The following MAD1L1 variants were observed in gnomAD, a reference collection of about 807,000 sequenced individuals.
The protein encoded by MAD1L1 is mitotic arrest deficient 1 like 1.
Under a neutral mutation model 96.9 loss-of-function variants are expected in MAD1L1, and 95 were observed. That is an observed-to-expected ratio of 0.98 (90% CI 0.83 to 1.16). The LOEUF is 1.16. Among genes scored for constraint, MAD1L1 ranks in the 50% most tolerant of loss-of-function variants. MAD1L1 has a pLI of 0.00. For synonymous variants in MAD1L1, 473 were observed against 396.6 expected (o/e 1.19, Z -2.29); for missense variants, 1,007 against 954.4 (o/e 1.06, Z -0.73).
chr7:1,957,563 G>T, intron 16 of MAD1L1, 66 bp downstream of exon 16: 2 of 1,516,910 alleles, frequency 1.3e-6, no homozygotes, highest in Non-Finnish European at 1.8e-6. Context: ...AACCACGGTC[G>T]TTCACGACGC....
chr7:2,041,705 G>T (rs1783680898), intron 12 of MAD1L1, among the ~76,000 whole-genome samples: 1 of 152,240 alleles, frequency 6.6e-6, no homozygotes, highest in Admixed American at 6.5e-5. Context: ...AGATGAGGAA[G>T]AGCTTTGAAG....
chr7:1,857,186 C>T (rs149743014), intron 18 of MAD1L1, among the ~76,000 whole-genome samples: 8 of 152,326 alleles, frequency 5.3e-5, no homozygotes, highest in East Asian at 3.9e-4. Context: ...GCCGCGAGCG[C>T]GGACCGTACT....
chr7:1,837,895 C>A (rs534474661), intron 18 of MAD1L1, among the ~76,000 whole-genome samples: 1 of 152,320 alleles, frequency 6.6e-6, no homozygotes, highest in South Asian at 2.1e-4. Context: ...ATCAATAACG[C>A]AGACTCAGCA....
chr7:1,910,112 A>G (rs1030117865), intron 17 of MAD1L1, among the ~76,000 whole-genome samples: 2 of 151,834 alleles, frequency 1.3e-5, no homozygotes. Flanking sequence ...GCGGGCGCGG[A>G]TATCATATTT....
chr7:1,817,171 C>A (rs774759974), intron 18 of MAD1L1: 2 of 152,184 alleles, frequency 1.3e-5, no homozygotes, highest in African/African-American at 2.4e-5. Flanking sequence ...GCGCCGACGG[C>A]CACTGAGAGC....
rs1314379582 is a variant in MAD1L1, at chr7:1,904,893, G to A, written c.1808-6503C>T. On this transcript the variant is annotated intron_variant, in intron 17 of 18. Coordinates refer to ENST00000265854, the MANE Select transcript of MAD1L1 (RefSeq NM_001013836.2). Reference sequence around the variant, plus strand: ...CATGATTGATGAAGCACTGTTCCAGGCAGCAAGGATGCAGTCGCCTATGGA... The same window carrying A: ...CATGATTGATGAAGCACTGTTCCAGACAGCAAGGATGCAGTCGCCTATGGA... Among the ~76,000 whole-genome samples, 3 of 105,044 alleles carry A rather than the reference G, an allele frequency of 2.9e-5. 1 individual carries two copies. Among genetic ancestry groups the A allele is most frequent in the African/African-American group, 1.2e-4 (3 of 24,686 alleles). 68.9% of individuals were successfully genotyped at this position (105,044 alleles called of 152,430 possible).
chr7:1,888,491 T>C (rs1370696713), intron 18 of MAD1L1, among the ~76,000 whole-genome samples: 1 of 151,524 alleles, frequency 6.6e-6, no homozygotes, highest in Admixed American at 6.6e-5. Context: ...TGTGCATGCA[T>C]GTATGTGGCT....
intron 16 of MAD1L1, among the ~76,000 whole-genome samples, chr7:1,943,948 G>A (rs528371258): frequency 2.6e-5 from 4 of 152,328 alleles, no homozygotes; most frequent in East Asian, 1.9e-4. Flanking sequence ...AGATGCGGCC[G>A]TGCACAGTGG....
At position 1,815,802 on chromosome 7, in the gene MAD1L1, GAGA is replaced by G. The variant is rs1174126268; in HGVS notation, c.*265_*267del. On this transcript the variant is annotated 3_prime_UTR_variant, in exon 19 of 19. Transcript: ENST00000265854. ...ACAGGGCGAGTGGGAGTGTCTAGGG[GAGA>G]AGATTTTATTTCACAAGGTGAGGAA... is the stretch of plus-strand genomic sequence containing the variant. 6.6e-5 allele frequency: 32 copies of G among 485,740 alleles called. No individual in the cohort carries two copies. The East Asian group carries it at 8.7e-4, about 13-fold the overall frequency. 30.1% of individuals were successfully genotyped at this position (485,740 alleles called of 1,614,324 possible). A position where few individuals can be genotyped will look rare whatever the true frequency, so the allele number is the denominator to read the frequency against.
chr7:2,225,042 GC>G (rs1562389341), intron 4 of MAD1L1, among the ~76,000 whole-genome samples: 3 of 152,190 alleles, frequency 2.0e-5, no homozygotes, highest in African/African-American at 7.2e-5. Context: ...TGCCAGCACC[GC>G]AGCCTCAATG....
At position 1,884,404 on chromosome 7, in the gene MAD1L1, C is replaced by T. The variant is rs867192793; in HGVS notation, c.1998+13796G>A. 8.5e-5 allele frequency among the ~76,000 whole-genome samples: 13 copies of T among 152,326 alleles called. 1 individual carries two copies. In the South Asian group the frequency reaches 2.7e-3, roughly 32 times the overall value. ...GGAAGCCTGAGGTGAGCCCTGGACT[C>T]CTGCAGCCTCAGCGCCTCTGGCTGA... is the stretch of plus-strand genomic sequence containing the variant. On this transcript the variant is annotated intron_variant, in intron 18 of 18. Coordinates refer to ENST00000265854, the MANE Select transcript of MAD1L1 (RefSeq NM_001013836.2).
chr7:2,183,937 AAAAC>A (rs1791330223), intron 10 of MAD1L1, among the ~76,000 whole-genome samples: 1 of 151,940 alleles, frequency 6.6e-6, no homozygotes, highest in South Asian at 2.1e-4. Context: ...ATAAAAATAA[AAAAC>A]AAAGCTATTA....
intron 12 of MAD1L1, among the ~76,000 whole-genome samples, chr7:2,038,493 G>A (rs1584151477): frequency 8.6e-6 from 1 of 116,514 alleles, no homozygotes; most frequent in African/African-American, 2.8e-5. Flanking sequence ...TAATGAAGCT[G>A]ATGACTTTTT....
intron 18 of MAD1L1, chr7:1,854,350 T>TG: frequency 2.1e-6 from 1 of 470,740 alleles, no homozygotes. Flanking sequence ...ACCCCCGCTG[T>TG]GGGGGAACCT....
chr7:2,164,002 G>A (rs1319856590), intron 10 of MAD1L1, among the ~76,000 whole-genome samples: 1 of 152,116 alleles, frequency 6.6e-6, no homozygotes, highest in Non-Finnish European at 1.5e-5. Context: ...TCCATTCATT[G>A]CGAATCTGTG....
intron 18 of MAD1L1, among the ~76,000 whole-genome samples, chr7:1,842,844 G>C (rs1783352599): frequency 6.6e-6 from 1 of 152,270 alleles, no homozygotes; most frequent in African/African-American, 2.4e-5. Context: ...CCCTCGCCCA[G>C]CTGGCCCTCC....
At chr7:2,019,974 A>C (rs1464080086) in intron 12 of MAD1L1, among the ~76,000 whole-genome samples, 1 of 152,160 alleles carries the variant, frequency 6.6e-6, no homozygotes, top group African/African-American at 2.4e-5. Flanking sequence ...TGACATCAGC[A>C]CAGCATGCTA....
intron 10 of MAD1L1, chr7:2,200,155 G>T: frequency 6.6e-6 from 1 of 152,488 alleles, no homozygotes; most frequent in East Asian, 1.9e-4. Context: ...CCGGCCAGGT[G>T]TGCACCACCC....
intron 10 of MAD1L1, among the ~76,000 whole-genome samples, chr7:2,177,572 C>A (rs925512253): frequency 1.8e-4 from 27 of 152,256 alleles, no homozygotes; most frequent in Middle Eastern, 6.8e-3. Flanking sequence ...TTTTTAATCG[C>A]CTTTTTATCT....
Sources: allele counts gnomAD v4.1 joint callset (sites outside exome capture counted in the v4.1 genomes callset), GRCh38; gene constraint gnomAD v4.1.1; transcripts MANE v1.5; gene names NCBI Gene and HGNC (gene_info 2026-07-23, HGNC 2026-07-21).